Variants in NOC3L observed in about 807,000 individuals in gnomAD.
NOC3L encodes the protein NOC3 like DNA replication regulator.
NOC3L carries 85 observed loss-of-function variants against 102.5 expected under a neutral mutation model. The observed-to-expected ratio is 0.83, with a 90% CI of 0.70 to 0.99. The LOEUF (loss-of-function observed/expected upper bound fraction) is 0.99. Ranked by LOEUF, NOC3L falls within the 50% of genes least tolerant of loss-of-function variation. The pLI, the probability that NOC3L is intolerant of heterozygous loss-of-function variation, is 0.00. For missense variants in NOC3L, 878 were observed against 914.9 expected (o/e 0.96, Z 0.52); for synonymous variants, 303 against 309.4 (o/e 0.98, Z 0.22).
Position 94,333,987 on chromosome 10 carries a change from T to C in NOC3L, c.*190A>G, listed in dbSNP as rs1329967144. 3 of 382,762 alleles carry C rather than the reference T, an allele frequency of 7.8e-6. No homozygotes were observed. In the South Asian group the frequency reaches 3.7e-4, roughly 47 times the overall value. 23.7% of individuals were successfully genotyped at this position (382,762 alleles called of 1,614,324 possible). On this transcript the variant is annotated 3_prime_UTR_variant, in exon 21 of 21. Transcript: ENST00000371361. Reference sequence around the variant, plus strand: ...GGAGAAAAAAAGGCTTTTGATCTCCTTGATGGAATGACATATTCAGAATAG... The same window carrying C: ...GGAGAAAAAAAGGCTTTTGATCTCCCTGATGGAATGACATATTCAGAATAG...
chr10:94,343,469 G>C (rs557904119), intron 13 of NOC3L, among the ~76,000 whole-genome samples: 1 of 152,290 alleles, frequency 6.6e-6, no homozygotes, highest in East Asian at 1.9e-4. Context: ...TAACCACAAG[G>C]ACCGTATCAC....
the NOC3L span, chr10:94,321,940 G>C: frequency 6.2e-7 from 1 of 1,613,826 alleles, no homozygotes; most frequent in Non-Finnish European, 8.5e-7. Context: ...TGACAAAGAG[G>C]TGATCTTGAG....
intron 13 of NOC3L, among the ~76,000 whole-genome samples, chr10:94,343,330 C>T (rs1161740172): frequency 6.6e-6 from 1 of 152,100 alleles, no homozygotes; most frequent in African/African-American, 2.4e-5. Context: ...GGATGACTCA[C>T]TCAGGAGTTC....
At position 94,352,740 on chromosome 10, in the gene NOC3L, T is replaced by C. The variant is rs193095154; in HGVS notation, c.858+156A>G. 4.6e-3 allele frequency among the ~76,000 whole-genome samples: 701 copies of C among 152,236 alleles called. 3 individuals are homozygous for C. The highest frequency in any genetic ancestry group is 7.3e-3 in the Non-Finnish European group (499 of 68,020). ...AGGGGGCTGAGGCAGGAGAATCACT[T>C]GAACCCGGAAGGCAGAGGTTGCAGT... On this transcript the variant is annotated intron_variant, in intron 7 of 20. Coordinates refer to ENST00000371361, the MANE Select transcript of NOC3L (RefSeq NM_022451.11).
Position 94,334,695 on chromosome 10 carries a change from G to A in NOC3L, c.2213C>T (p.Ala738Val). The stretch of plus-strand genomic sequence containing the variant: ...GAATGTCATTTCTGCCATGCTATAT[G>A]CCTCAAAAAGTTCAGTAGCAGATCT... ...SRRSATELFEAYSMAEMTFNP... is the reference protein window; with the variant it reads ...SRRSATELFEVYSMAEMTFNP... The change falls in exon 20 of 21, where the codon GCA becomes GTA. Residue 738 changes from alanine (A) to valine (V), a missense_variant. Transcript: ENST00000371361. 1 of 1,612,642 alleles carries A rather than the reference G, an allele frequency of 6.2e-7. No individual in the cohort carries two copies.
In NOC3L at chr10:94,355,145, A is replaced by G. The variant is rs1245920420; in HGVS notation, c.566-52T>C. ...ATATTCCTCTGCTTACAAGTATCCA[A>G]GAATCTTAATAAAATATTTTTACAG... On this transcript the variant is annotated intron_variant, in intron 5 of 20. Coordinates refer to ENST00000371361, the MANE Select transcript of NOC3L (RefSeq NM_022451.11). The G allele has an allele frequency of 2.1e-6, 3 of 1,462,948 alleles. No homozygotes were observed. The African/African-American group carries it at 4.3e-5, about 21-fold the overall frequency. 90.6% of individuals were successfully genotyped at this position (1,462,948 alleles called of 1,614,324 possible).
At chr10:94,350,068 A>G (rs892929285) in intron 9 of NOC3L, 45 bp downstream of exon 9, 33 of 1,595,324 alleles carry the variant, frequency 2.1e-5, no homozygotes, top group Non-Finnish European at 2.7e-5. Context: ...CACATGGTGT[A>G]TAATTTTCTA....
intron 2 of NOC3L, among the ~76,000 whole-genome samples, chr10:94,360,209 G>A (rs2054536677): frequency 6.6e-6 from 1 of 152,078 alleles, no homozygotes; most frequent in Non-Finnish European, 1.5e-5. Flanking sequence ...CTAGCTACTC[G>A]GGAGGCTAAG....
chr10:94,326,697 TG>T, the NOC3L span, among the ~76,000 whole-genome samples: 35 of 152,204 alleles, frequency 2.3e-4, no homozygotes, highest in African/African-American at 7.7e-4. Context: ...TTTAGGAGAC[TG>T]GGGGAGGGTG....
chr10:94,337,910 G>A, intron 18 of NOC3L, 36 bp from the exon 19 acceptor site: 1 of 1,466,228 alleles, frequency 6.8e-7, no homozygotes, highest in East Asian at 2.3e-5. Flanking sequence ...TTCTGCACAG[G>A]TCAGTCCTTT....
At position 94,337,547 on chromosome 10, in the gene NOC3L, AAT is replaced by A. The variant is rs200647597; in HGVS notation, c.2189+228_2189+229del. 8.5e-3 allele frequency among the ~76,000 whole-genome samples: 1,212 copies of A among 142,620 alleles called. 20 individuals carry two copies. The highest frequency in any genetic ancestry group is 0.029 in the African/African-American group (1,140 of 39,250). The allele number at this position is 142,620 out of a possible 152,430, so 93.6% of individuals were successfully genotyped here. On this transcript the variant is annotated intron_variant, in intron 19 of 20. Transcript: ENST00000371361. ...GTGCGAAACTTTTCACGATTAAAAA[AAT>A]GTTTTTCAAGTTGAATGACAGAAGA...
the NOC3L span, among the ~76,000 whole-genome samples, chr10:94,318,113 T>C: frequency 1.0e-3 from 158 of 152,204 alleles, 2 homozygotes; most frequent in Non-Finnish European, 3.2e-4. Context: ...GCCACTGCCT[T>C]CTTTCCCTGA....
the NOC3L span, among the ~76,000 whole-genome samples, chr10:94,322,914 GCCACTTTACT>G: frequency 6.6e-6 from 1 of 152,132 alleles, no homozygotes; most frequent in Non-Finnish European, 1.5e-5. Context: ...CCAAAATCGT[GCCACTTTACT>G]CCAGCCTGGG....
chr10:94,354,251 T>C (rs2054456069), intron 6 of NOC3L, among the ~76,000 whole-genome samples: 1 of 152,228 alleles, frequency 6.6e-6, no homozygotes. Context: ...CAAATACTTG[T>C]TATAATAGTA....
the NOC3L span, among the ~76,000 whole-genome samples, chr10:94,319,863 T>TG: frequency 1.0e-5 from 1 of 97,610 alleles, no homozygotes. Context: ...TCAAAGGTGC[T>TG]CTTTTTTTTT....
intron 20 of NOC3L, 73 bp from the exon 21 acceptor site, chr10:94,334,378 G>C: frequency 1.1e-6 from 1 of 950,650 alleles, no homozygotes; most frequent in Non-Finnish European, 1.6e-6. Flanking sequence ...GAACCAAGTT[G>C]AAAATGGCAA....
At chr10:94,319,864 CTTTTT>C in the NOC3L span, among the ~76,000 whole-genome samples, 2,424 of 92,838 alleles carry the variant, frequency 0.026, 24 homozygotes, top group South Asian at 0.056. Flanking sequence ...CAAAGGTGCT[CTTTTT>C]TTTTTTTTTT....
the NOC3L span, among the ~76,000 whole-genome samples, chr10:94,318,991 T>C: frequency 6.6e-6 from 1 of 152,126 alleles, no homozygotes; most frequent in Non-Finnish European, 1.5e-5. Flanking sequence ...GAGGTTGCAG[T>C]GAGCCAAGAT....
At chr10:94,352,650 C>T (rs2054433859) in intron 7 of NOC3L, among the ~76,000 whole-genome samples, 6 of 152,078 alleles carry the variant, frequency 3.9e-5, no homozygotes, top group Admixed American at 3.3e-4. Context: ...GGGGAAACCC[C>T]GTCTCTACTA....
Sources: allele counts gnomAD v4.1 joint callset (sites outside exome capture counted in the v4.1 genomes callset), GRCh38; gene constraint gnomAD v4.1.1; transcripts MANE v1.5; gene names NCBI Gene and HGNC (gene_info 2026-07-23, HGNC 2026-07-21).